Variants in LRRC4C observed in about 807,000 individuals in gnomAD.
LRRC4C encodes the protein leucine-rich repeat-containing protein 4C.
A neutral mutation model predicts 33.6 loss-of-function variants in LRRC4C; 5 were observed. The observed-to-expected ratio is 0.15, with a 90% CI of 0.08 to 0.31. The LOEUF (loss-of-function observed/expected upper bound fraction) is 0.31. Among genes scored for constraint, LRRC4C ranks in the 10% least tolerant of loss-of-function variants. The pLI is 1.00. For synonymous variants in LRRC4C, 329 were observed against 302.0 expected (o/e 1.09, Z -0.93); for missense variants, 560 against 796.7 (o/e 0.70, Z 3.58).
At chr11:40,513,566 A>C (rs545843709) in intron 3 of LRRC4C, among the ~76,000 whole-genome samples, 1 of 152,248 alleles carries the variant, frequency 6.6e-6, no homozygotes, top group East Asian at 1.9e-4. Context: ...CTCTTAGAGC[A>C]ATGGGAAGCC....
chr11:40,818,562 T>C (rs1951798104), intron 2 of LRRC4C, among the ~76,000 whole-genome samples: 1 of 152,122 alleles, frequency 6.6e-6, no homozygotes, highest in Non-Finnish European at 1.5e-5. Flanking sequence ...TTCTCCTATT[T>C]TTGTTCAGTT....
At position 41,451,484 on chromosome 11, in the gene LRRC4C, TA is replaced by T. The variant is rs991685224; in HGVS notation, c.-496+7946del. On this transcript the variant is annotated intron_variant, in intron 1 of 6. Transcript: ENST00000528697. ...AACAGAATTCCATTTAGCAAAAGCT[TA>T]AAAAAAATGCAGCAGTGCTTATAGT... 7.9e-5 allele frequency among the ~76,000 whole-genome samples: 12 copies of T among 151,596 alleles called. No individual in the cohort carries two copies. The Middle Eastern group carries it at 0.01, about 129-fold the overall frequency.
rs1027652841 is a variant in LRRC4C, at chr11:40,187,736, C to T, written c.-95-46883G>A. On this transcript the variant is annotated intron_variant, in intron 5 of 6. Coordinates refer to ENST00000528697, the MANE Select transcript of LRRC4C (RefSeq NM_001258419.2). ...CTCCTTTCTGGAGTAAAATCAGTTC[C>T]TCCATCACTAGGTTGGGTAGAGGAT... Among the ~76,000 whole-genome samples, 97 of 152,288 alleles carry T rather than the reference C, an allele frequency of 6.4e-4. 1 individual carries two copies. The highest frequency in any genetic ancestry group is 1.9e-4 in the East Asian group (1 of 5,172).
chr11:41,216,307 T>C (rs1013867148), intron 1 of LRRC4C, among the ~76,000 whole-genome samples: 1 of 152,188 alleles, frequency 6.6e-6, no homozygotes, highest in African/African-American at 2.4e-5. Flanking sequence ...AAATGACCGC[T>C]ATGCAATCAA....
intron 2 of LRRC4C, among the ~76,000 whole-genome samples, chr11:40,805,665 C>T (rs953485662): frequency 1.2e-4 from 19 of 152,076 alleles, no homozygotes; most frequent in Non-Finnish European, 2.6e-4. Flanking sequence ...CTTGTTGACA[C>T]TAGGGAGTCT....
intron 3 of LRRC4C, among the ~76,000 whole-genome samples, chr11:40,414,362 T>C (rs1950252664): frequency 6.6e-6 from 1 of 152,142 alleles, no homozygotes; most frequent in Non-Finnish European, 1.5e-5. Flanking sequence ...TTTATTTGAA[T>C]AGTATTTCCA....
At chr11:40,653,167 C>G (rs147355644) in intron 2 of LRRC4C, among the ~76,000 whole-genome samples, 49 of 152,202 alleles carry the variant, frequency 3.2e-4, no homozygotes, top group African/African-American at 1.2e-3. Flanking sequence ...TAGTTGGTAC[C>G]AGGAGTTCGG....
chr11:40,463,132 A>G (rs1432209159), intron 3 of LRRC4C, among the ~76,000 whole-genome samples: 1 of 152,092 alleles, frequency 6.6e-6, no homozygotes, highest in Admixed American at 6.6e-5. Context: ...GAGTGTGATA[A>G]ATTCTCGCAA....
chr11:40,206,442 G>A lies in LRRC4C; in HGVS notation c.-96+35077C>T, dbSNP rs186083984. ...TTTTTAGTAGAGACAGGGTTTCACC[G>A]TGATGGCCAGGCTGGTCTGAAACTC... On this transcript the variant is annotated intron_variant, in intron 5 of 6. Transcript: ENST00000528697. Among the ~76,000 whole-genome samples the A allele has an allele frequency of 3.6e-3, 546 of 151,906 alleles. 2 individuals are homozygous for A. The highest frequency in any genetic ancestry group is 0.013 in the African/African-American group (528 of 41,420).
At chr11:40,335,904 T>C (rs1268772169) in intron 3 of LRRC4C, among the ~76,000 whole-genome samples, 1 of 152,184 alleles carries the variant, frequency 6.6e-6, no homozygotes, top group Non-Finnish European at 1.5e-5. Flanking sequence ...TTCAGGAATG[T>C]TTCTCATCTC....
In LRRC4C at chr11:40,783,714, A is replaced by G. The variant is rs149599843; in HGVS notation, c.-406-135436T>C. Among the ~76,000 whole-genome samples the G allele has an allele frequency of 9.9e-3, 1,502 of 152,298 alleles. 17 individuals carry two copies. The highest frequency in any genetic ancestry group is 0.03 in the South Asian group (145 of 4,832). On this transcript the variant is annotated intron_variant, in intron 2 of 6. Transcript: ENST00000528697. ...TTGGAATTTGTGTTAAAAATGCAGC[A>G]TTTGATGTTATTATTTTTAATATCA...
At chr11:41,432,277 T>C (rs146192135) in intron 1 of LRRC4C, among the ~76,000 whole-genome samples, 5 of 152,308 alleles carry the variant, frequency 3.3e-5, no homozygotes, top group Non-Finnish European at 7.4e-5. Context: ...GTGGAAACTT[T>C]AGCTTAACGT....
At chr11:40,358,052 A>G (rs1348822199) in intron 3 of LRRC4C, among the ~76,000 whole-genome samples, 1 of 152,082 alleles carries the variant, frequency 6.6e-6, no homozygotes, top group African/African-American at 2.4e-5. Context: ...GCATAGTGGC[A>G]CATGCCTGTA....
intron 1 of LRRC4C, among the ~76,000 whole-genome samples, chr11:41,119,257 A>G (rs11036246): frequency 0.21 from 31,329 of 152,074 alleles, 3,775 homozygotes; most frequent in East Asian, 0.38. Flanking sequence ...ATTTTCCAGT[A>G]TGTGAGATAG....
intron 3 of LRRC4C, among the ~76,000 whole-genome samples, chr11:40,545,557 A>G (rs1956879525): frequency 6.6e-6 from 1 of 152,006 alleles, no homozygotes; most frequent in South Asian, 2.1e-4. Context: ...GGCAAGATGT[A>G]AGTATATTTA....
intron 4 of LRRC4C, among the ~76,000 whole-genome samples, chr11:40,315,792 G>A (rs1945546508): frequency 6.6e-6 from 1 of 151,892 alleles, no homozygotes; most frequent in South Asian, 2.1e-4. Flanking sequence ...CTCTGACAGG[G>A]TTACACCAAA....
intron 2 of LRRC4C, among the ~76,000 whole-genome samples, chr11:40,735,351 C>T (rs1038389727): frequency 4.7e-5 from 7 of 149,036 alleles, no homozygotes; most frequent in African/African-American, 1.2e-4. Context: ...GTGATGTTCC[C>T]CTTCCTGTGT....
At chr11:41,212,141 T>G (rs997452014) in intron 1 of LRRC4C, among the ~76,000 whole-genome samples, 1 of 152,226 alleles carries the variant, frequency 6.6e-6, no homozygotes, top group African/African-American at 2.4e-5. Context: ...GAGACAATAT[T>G]GAAAGTTTGA....
chr11:40,564,808 A>G (rs1957688941), intron 3 of LRRC4C, among the ~76,000 whole-genome samples: 1 of 152,164 alleles, frequency 6.6e-6, no homozygotes, highest in Non-Finnish European at 1.5e-5. Flanking sequence ...CCTTTAGTGG[A>G]CAAGTTGCCA....
Sources: allele counts gnomAD v4.1 joint callset (sites outside exome capture counted in the v4.1 genomes callset), GRCh38; gene constraint gnomAD v4.1.1; transcripts MANE v1.5; gene names NCBI Gene and HGNC (gene_info 2026-07-23, HGNC 2026-07-21).